Variants in PCDHGA11 observed in about 807,000 individuals in gnomAD.
PCDHGA11 encodes protocadherin gamma subfamily A, 11, also known as protocadherin gamma-A11.
A neutral mutation model predicts 60.4 loss-of-function variants in PCDHGA11; 39 were observed. The ratio of observed to expected loss-of-function variants is 0.65; its 90% CI spans 0.50 to 0.84. The LOEUF (loss-of-function observed/expected upper bound fraction) is 0.84, where lower values mean the gene tolerates loss of function less well. PCDHGA11 is among the 40% of genes least tolerant of loss of function. PCDHGA11 has a pLI of 0.00. For missense variants in PCDHGA11, 1,165 were observed against 1,197.7 expected (o/e 0.97, Z 0.40); for synonymous variants, 533 against 510.3 (o/e 1.04, Z -0.60).
intron 1 of PCDHGA11, among the ~76,000 whole-genome samples, chr5:141,482,257 T>C (rs2099555476): frequency 1.3e-5 from 2 of 152,156 alleles, no homozygotes; most frequent in Admixed American, 1.3e-4. Context: ...ACTGTACATA[T>C]TAGTTGTTTA....
At chr5:141,440,579 C>G (rs1004258822) in intron 1 of PCDHGA11, 12 of 152,188 alleles carry the variant, frequency 7.9e-5, no homozygotes, top group African/African-American at 2.7e-4. Flanking sequence ...TGAGTTTACC[C>G]AGCTGGAACA....
intron 1 of PCDHGA11, among the ~76,000 whole-genome samples, chr5:141,470,360 T>G (rs1554150725): frequency 6.6e-6 from 1 of 152,142 alleles, no homozygotes; most frequent in Non-Finnish European, 1.5e-5. Context: ...ATAGACACAT[T>G]AGGTTGAATG....
intron 2 of PCDHGA11, among the ~76,000 whole-genome samples, chr5:141,495,644 A>G (rs767670166): frequency 5.3e-5 from 8 of 151,770 alleles, no homozygotes; most frequent in Non-Finnish European, 1.0e-4. Context: ...TCATTTGTCT[A>G]CTTGCATTGA....
chr5:141,447,135 GT>G (rs905717632), intron 1 of PCDHGA11, among the ~76,000 whole-genome samples: 1 of 151,698 alleles, frequency 6.6e-6, no homozygotes, highest in South Asian at 2.1e-4. Flanking sequence ...TTGTTTGTTT[GT>G]TTTTTGTTTT....
Position 141,489,424 on chromosome 5 carries a change from C to T in PCDHGA11, c.2434-5383C>T, listed in dbSNP as rs758049228. The T allele has an allele frequency of 5.0e-5, 80 of 1,613,958 alleles. No homozygotes were observed. In the Admixed American group the frequency reaches 1.1e-3, roughly 23 times the overall value. On this transcript the variant is annotated intron_variant, in intron 1 of 3. Coordinates refer to ENST00000398587, the MANE Select transcript of PCDHGA11 (RefSeq NM_018914.3). The surrounding 1 kb of genome is among the most constrained non-coding windows in gnomAD (Gnocchi z 4.5). ...CTTAAAGATGACAGATCTGTTGAGC[C>T]GGCGGCTGCAATTGGGCTCTGAGGA...
intron 1 of PCDHGA11, among the ~76,000 whole-genome samples, chr5:141,484,202 T>C (rs2099593138): frequency 6.6e-6 from 1 of 152,214 alleles, no homozygotes; most frequent in Non-Finnish European, 1.5e-5. Context: ...ATTAAATCTA[T>C]GAACATTAGC....
At chr5:141,466,929 T>C (rs2099132302) in intron 1 of PCDHGA11, among the ~76,000 whole-genome samples, 1 of 152,232 alleles carries the variant, frequency 6.6e-6, no homozygotes, top group African/African-American at 2.4e-5. Context: ...TTAGGAATAT[T>C]AGTCCTTTGT....
intron 1 of PCDHGA11, among the ~76,000 whole-genome samples, chr5:141,461,001 A>C (rs1309762345): frequency 6.7e-6 from 1 of 150,320 alleles, no homozygotes; most frequent in Admixed American, 6.7e-5. Context: ...ATATATGTGT[A>C]TATATATATA....
intron 1 of PCDHGA11, chr5:141,478,282 G>A: frequency 6.2e-7 from 1 of 1,614,184 alleles, no homozygotes; most frequent in Non-Finnish European, 8.5e-7. Flanking sequence ...AGTGGAAGCA[G>A]TCTAGAGACC....
rs1048081343 is a variant in PCDHGA11 at position 141,432,618 on chromosome 5, G to C, written c.2433+8958G>C. 6.2e-7 allele frequency: 1 copy of C among 1,612,806 alleles called. No individual in the cohort carries two copies. Among genetic ancestry groups the C allele is most frequent in the South Asian group, 1.1e-5 (1 of 90,950 alleles). ...AGCGAGCCGGGACTCTTCTCGGTGG[G>C]TCTGCACACGGGCGAGGTGCGCACG... On this transcript the variant is annotated intron_variant, in intron 1 of 3. Transcript: ENST00000398587. The surrounding 1 kb of genome is among the most constrained non-coding windows in gnomAD (Gnocchi z 6.0).
Position 141,491,964 on chromosome 5 carries a change from C to A in PCDHGA11, c.2434-2843C>A. On this transcript the variant is annotated intron_variant, in intron 1 of 3. Transcript: ENST00000398587. The surrounding 1 kb of genome is among the most constrained non-coding windows in gnomAD (Gnocchi z 6.9). ...CCCCACCCCTACACTCAAAAAAGGC[C>A]GGGGCCTCCTTCGAGCTTCCGGTGA... The A allele has an allele frequency of 1.1e-6, 1 of 943,952 alleles. No homozygotes were observed. The highest frequency in any genetic ancestry group is 1.5e-6 in the Non-Finnish European group (1 of 671,094). 58.5% of individuals were successfully genotyped at this position (943,952 alleles called of 1,614,324 possible). A position where few individuals can be genotyped will look rare whatever the true frequency, so the allele number is the denominator to read the frequency against.
At chr5:141,449,264 C>CTG (rs2098633558) in intron 1 of PCDHGA11, among the ~76,000 whole-genome samples, 1 of 152,056 alleles carries the variant, frequency 6.6e-6, no homozygotes, top group African/African-American at 2.4e-5. Context: ...GTACAAAGAA[C>CTG]TGTATCTCCT....
intron 1 of PCDHGA11, 97 bp downstream of exon 1, chr5:141,423,757 G>A: frequency 5.1e-6 from 2 of 395,134 alleles, no homozygotes; most frequent in Non-Finnish European, 7.1e-6. Flanking sequence ...GTTTGGGGGG[G>A]GGGTGGGGCG....
rs898536568 is a variant in PCDHGA11 at position 141,478,080 on chromosome 5, C to T, written c.2434-16727C>T. The T allele has an allele frequency of 1.9e-6, 3 of 1,614,012 alleles. No homozygotes were observed. The Admixed American group carries it at 5.0e-5, about 27-fold the overall frequency. The stretch of plus-strand genomic sequence containing the variant: ...TTGATCAAAGACAATGGGGAGCCTT[C>T]GCTCTCCACCACTGCTACCCTCACT... On this transcript the variant is annotated intron_variant, in intron 1 of 3. Coordinates refer to ENST00000398587, the MANE Select transcript of PCDHGA11 (RefSeq NM_018914.3).
intron 1 of PCDHGA11, chr5:141,471,461 T>C (rs1409374601): frequency 6.6e-6 from 1 of 152,194 alleles, no homozygotes; most frequent in Non-Finnish European, 1.5e-5. Flanking sequence ...GAAAGATTAC[T>C]CAGGTCTCTG....
Position 141,422,030 on chromosome 5 carries a change from C to G in PCDHGA11, c.803C>G (p.Thr268Arg). Residue 268 changes from threonine to arginine, a missense_variant, in exon 1 of 4, where the codon ACG becomes AGG. Transcript: ENST00000398587. ...SGTRVLMVNATDPDEGINGEV... is the reference protein window; with the variant it reads ...SGTRVLMVNARDPDEGINGEV... ...ACTCGGGTGCTGATGGTTAATGCAA[C>G]GGATCCAGACGAGGGAATCAACGGG... 6.2e-7 allele frequency: 1 copy of G among 1,609,592 alleles called. No individual in the cohort carries two copies. Among genetic ancestry groups the G allele is most frequent in the African/African-American group, 1.3e-5 (1 of 74,712 alleles).
At chr5:141,435,362 C>A (rs2097758711) in intron 1 of PCDHGA11, among the ~76,000 whole-genome samples, 1 of 152,120 alleles carries the variant, frequency 6.6e-6, no homozygotes, top group Admixed American at 6.6e-5. Flanking sequence ...AAAATTTTAT[C>A]ACTTAAATAT....
rs1182148013 is a variant in PCDHGA11 at position 141,431,510 on chromosome 5, G to A, written c.2433+7850G>A. 2 of 1,613,904 alleles carry A rather than the reference G, an allele frequency of 1.2e-6. No individual in the cohort carries two copies. Among genetic ancestry groups the A allele is most frequent in the Admixed American group, 1.7e-5 (1 of 60,016 alleles). Reference sequence around the variant, plus strand: ...TGCTCAGCCCGAGTACCGCGCGAGCGTTCCGGAGAATCTGGCCTTGGGCAC... The same window carrying A: ...TGCTCAGCCCGAGTACCGCGCGAGCATTCCGGAGAATCTGGCCTTGGGCAC... On this transcript the variant is annotated intron_variant, in intron 1 of 3. Coordinates refer to ENST00000398587, the MANE Select transcript of PCDHGA11 (RefSeq NM_018914.3). The surrounding 1 kb of genome is among the most constrained non-coding windows in gnomAD (Gnocchi z 4.8).
rs1296142784 is a variant in PCDHGA11 at position 141,431,302 on chromosome 5, C to T, written c.2433+7642C>T. ...GCCCGAACACTCACTTCTCCCTCAT[C>T]GTGCAAAATGGAGCCGACGGTAGTA... is the stretch of plus-strand genomic sequence containing the variant. On this transcript the variant is annotated intron_variant, in intron 1 of 3. Coordinates refer to ENST00000398587, the MANE Select transcript of PCDHGA11 (RefSeq NM_018914.3). This position sits in a 1 kb window ranked among gnomAD's most constrained non-coding sequence, Gnocchi z 4.8. 2 of 1,614,028 alleles carry T rather than the reference C, an allele frequency of 1.2e-6. No individual in the cohort carries two copies. Among genetic ancestry groups the T allele is most frequent in the African/African-American group, 1.3e-5 (1 of 74,946 alleles).
Sources: allele counts gnomAD v4.1 joint callset (sites outside exome capture counted in the v4.1 genomes callset), GRCh38; gene constraint gnomAD v4.1.1; non-coding constraint Gnocchi (gnomAD v3.1); transcripts MANE v1.5; gene names NCBI Gene and HGNC (gene_info 2026-07-23, HGNC 2026-07-21).